LRP5: variants seen among roughly 807,000 people sequenced by gnomAD.
The protein encoded by LRP5 is LDL receptor related protein 5, also known as low-density lipoprotein receptor-related protein 5.
LRP5 carries 62 observed loss-of-function variants against 154.1 expected under a neutral mutation model. That is an observed-to-expected ratio of 0.40 (90% CI 0.33 to 0.50). The LOEUF (loss-of-function observed/expected upper bound fraction) is 0.50, where lower values mean the gene tolerates loss of function less well. Among genes scored for constraint, LRP5 ranks in the 20% least tolerant of loss-of-function variants. LRP5 has a pLI of 0.55. For synonymous variants in LRP5, 966 were observed against 1,011.5 expected, an observed-to-expected ratio of 0.96 and a Z score of 0.85; for missense variants, 1,915 against 2,336.7, an observed-to-expected ratio of 0.82 and a Z score of 3.72.
chr11:68,439,631 C>T, intron 20 of LRP5, 146 bp from the exon 21 acceptor site: 1 of 855,846 alleles, frequency 1.2e-6, no homozygotes, highest in Non-Finnish European at 1.9e-6. Context: ...GCCTGCGGCT[C>T]AGGGAGCGGG....
intron 7 of LRP5, among the ~76,000 whole-genome samples, chr11:68,395,432 G>C (rs2098648752): frequency 6.6e-6 from 1 of 152,036 alleles, no homozygotes; most frequent in South Asian, 2.1e-4. Context: ...CTGACGATTT[G>C]GAGCTCATCA....
chr11:68,435,020 C>T, intron 18 of LRP5, among the ~76,000 whole-genome samples: 1 of 152,242 alleles, frequency 6.6e-6, no homozygotes, highest in East Asian at 1.9e-4. Context: ...TCCAGCCTGC[C>T]ACCTACTTTT....
intron 13 of LRP5, among the ~76,000 whole-genome samples, chr11:68,422,557 C>T: frequency 6.6e-6 from 1 of 152,162 alleles, no homozygotes; most frequent in East Asian, 1.9e-4. Flanking sequence ...GTGTCGGAGG[C>T]CCCAAAAGCC....
chr11:68,392,073 C>T (rs982629158), intron 7 of LRP5, among the ~76,000 whole-genome samples: 4 of 152,082 alleles, frequency 2.6e-5, no homozygotes, highest in African/African-American at 9.7e-5. Flanking sequence ...ATCTCAAACT[C>T]CTGAGGCACA....
chr11:68,344,268 A>G (rs1329373247), intron 1 of LRP5, among the ~76,000 whole-genome samples: 1 of 152,166 alleles, frequency 6.6e-6, no homozygotes, highest in African/African-American at 2.4e-5. Context: ...TGAGAGGTCA[A>G]TGTCCAGTTC....
At chr11:68,334,174 C>G (rs770295401) in intron 1 of LRP5, among the ~76,000 whole-genome samples, 5 of 152,212 alleles carry the variant, frequency 3.3e-5, no homozygotes, top group Non-Finnish European at 7.3e-5. Context: ...GCGGACGTTG[C>G]AGTGAGCCTG....
At chr11:68,400,378 G>A (rs2153161216) in intron 7 of LRP5, among the ~76,000 whole-genome samples, 1 of 152,254 alleles carries the variant, frequency 6.6e-6, no homozygotes, top group East Asian at 1.9e-4. Context: ...TTAAAATTAA[G>A]AAAGTGTGGA....
chr11:68,302,417 C>T, the LRP5 span, among the ~76,000 whole-genome samples: 1 of 151,698 alleles, frequency 6.6e-6, no homozygotes, highest in African/African-American at 2.4e-5. Context: ...TGTTCCTGTC[C>T]TGGGTTCCAC....
intron 7 of LRP5, among the ~76,000 whole-genome samples, chr11:68,397,073 G>A (rs1017232249): frequency 1.3e-5 from 2 of 152,132 alleles, no homozygotes; most frequent in East Asian, 1.9e-4. Flanking sequence ...AGCCCCGGGG[G>A]TTGGAAGTTC....
chr11:68,354,468 C>T (rs1049251025), intron 2 of LRP5, among the ~76,000 whole-genome samples: 7 of 152,346 alleles, frequency 4.6e-5, no homozygotes, highest in Non-Finnish European at 4.4e-5. Context: ...TGGATTCCCC[C>T]CCAAGTCCAG....
At chr11:68,437,049 A>C (rs2098675433) in intron 19 of LRP5, 50 bp downstream of exon 19, 2 of 1,490,508 alleles carry the variant, frequency 1.3e-6, no homozygotes, top group African/African-American at 1.4e-5. Context: ...GGGTTCCCCC[A>C]GGAACGTGGA....
Position 68,413,629 on chromosome 11 carries a change from C to G in LRP5, c.2504-60C>G. Reference sequence around the variant, plus strand: ...AACCCTGGCTCACCCCGCAGGGCGCCGTGTGCTCTGTGGCCTGGCTGTGCC... The same window carrying G: ...AACCCTGGCTCACCCCGCAGGGCGCGGTGTGCTCTGTGGCCTGGCTGTGCC... On this transcript the variant is annotated intron_variant, in intron 11 of 22. Coordinates refer to ENST00000294304, the MANE Select transcript of LRP5 (RefSeq NM_002335.4). This position sits in a 1 kb window ranked among gnomAD's most constrained non-coding sequence, Gnocchi z 5.1. 6.7e-7 allele frequency: 1 copy of G among 1,491,674 alleles called. No individual in the cohort carries two copies. The highest frequency in any genetic ancestry group is 9.3e-7 in the Non-Finnish European group (1 of 1,070,634). 92.4% of individuals were successfully genotyped at this position (1,491,674 alleles called of 1,614,324 possible). A position where few individuals can be genotyped will look rare whatever the true frequency, so the allele number is the denominator to read the frequency against.
chr11:68,442,831 T>C (rs1269376449), intron 21 of LRP5, among the ~76,000 whole-genome samples: 1 of 152,202 alleles, frequency 6.6e-6, no homozygotes, highest in African/African-American at 2.4e-5. Flanking sequence ...TGGTAGGCAG[T>C]GGGGCCAGGC....
At chr11:68,445,719 C>G in intron 21 of LRP5, 6 of 1,230,180 alleles carry the variant, frequency 4.9e-6, no homozygotes, top group Non-Finnish European at 6.5e-6. Flanking sequence ...GGGCCCAGGG[C>G]CCCTGGTCCC....
intron 3 of LRP5, among the ~76,000 whole-genome samples, chr11:68,360,448 C>A (rs1170391157): frequency 6.6e-6 from 1 of 152,238 alleles, no homozygotes; most frequent in East Asian, 1.9e-4. Flanking sequence ...GCCTCTCTCC[C>A]ACCTGCTTCC....
At chr11:68,416,026 G>A (rs987099398) in intron 12 of LRP5, among the ~76,000 whole-genome samples, 2 of 151,908 alleles carry the variant, frequency 1.3e-5, no homozygotes, top group African/African-American at 4.8e-5. Context: ...CTGCAGTCCA[G>A]CGTGGGCAAC....
At position 68,413,538 on chromosome 11, in the gene LRP5, C is replaced by A; in HGVS notation, c.2504-151C>A. ...AGATCCTGCCTGCGCTTCAGTGGAT[C>A]TTGCTGGTTTTCCAAGGTGGCCAAA... On this transcript the variant is annotated intron_variant, in intron 11 of 22. Coordinates refer to ENST00000294304, the MANE Select transcript of LRP5 (RefSeq NM_002335.4). This position sits in a 1 kb window ranked among gnomAD's most constrained non-coding sequence, Gnocchi z 5.1. 1.4e-6 allele frequency: 1 copy of A among 718,204 alleles called. No homozygotes were observed. The highest frequency in any genetic ancestry group is 2.5e-6 in the Non-Finnish European group (1 of 402,634). The allele number at this position is 718,204 out of a possible 1,614,324, so 44.5% of individuals were successfully genotyped here.
At chr11:68,405,969 A>T (rs926465728) in intron 8 of LRP5, among the ~76,000 whole-genome samples, 1 of 152,228 alleles carries the variant, frequency 6.6e-6, no homozygotes, top group African/African-American at 2.4e-5. Flanking sequence ...GCAGGCCCGG[A>T]GGCTGGACCA....
intron 5 of LRP5, among the ~76,000 whole-genome samples, chr11:68,375,698 G>C (rs1250621634): frequency 6.6e-6 from 1 of 152,238 alleles, no homozygotes; most frequent in African/African-American, 2.4e-5. Context: ...GGGTTTGAGA[G>C]CTGAGGTTCT....
Sources: allele counts gnomAD v4.1 joint callset (sites outside exome capture counted in the v4.1 genomes callset), GRCh38; gene constraint gnomAD v4.1.1; non-coding constraint Gnocchi (gnomAD v3.1); transcripts MANE v1.5; gene names NCBI Gene and HGNC (gene_info 2026-07-23, HGNC 2026-07-21).